Variants in DENND1A observed in about 807,000 individuals in gnomAD.
DENND1A encodes the protein DENN domain containing 1A.
DENND1A carries 51 observed loss-of-function variants against 113.7 expected under a neutral mutation model. That is an observed-to-expected ratio of 0.45 (90% CI 0.36 to 0.57). The LOEUF (loss-of-function observed/expected upper bound fraction) is 0.57. Among genes scored for constraint, DENND1A ranks in the 20% least tolerant of loss-of-function variants. The pLI is 0.00. For synonymous variants in DENND1A, 565 were observed against 570.8 expected (o/e 0.99, Z 0.14); for missense variants, 1,258 against 1,395.9 (o/e 0.90, Z 1.57).
intron 1 of DENND1A, among the ~76,000 whole-genome samples, chr9:123,881,416 A>G (rs1483157547): frequency 6.6e-6 from 1 of 152,246 alleles, no homozygotes; most frequent in Non-Finnish European, 1.5e-5. Context: ...TCTGAAGAGC[A>G]TCAGGAAGAT....
rs375263687 is a variant in DENND1A, at chr9:123,652,033, T to A, written c.598A>T (p.Ile200Phe). Residue 200 changes from isoleucine to phenylalanine, a missense_variant, in exon 9 of 24, where the codon ATT (isoleucine) becomes TTT (phenylalanine). Ile to Phe is a conservative substitution (Grantham distance 21). This residue lies in a region of DENND1A where 1,159 missense variants were observed against 1,231.7 expected (regional missense o/e 0.94). Coordinates refer to ENST00000394215, the MANE Select transcript of DENND1A (RefSeq NM_001352964.2). ...SMLYERRILI[I>F]CSKLSTLTAC... Reference sequence around the variant, plus strand: ...CTCACAGTGCTGAGTTTGCTGCAAATGATGAGTATCCGGCGTTCGTACAGC... The same window carrying A: ...CTCACAGTGCTGAGTTTGCTGCAAAAGATGAGTATCCGGCGTTCGTACAGC... 2.5e-6 allele frequency: 4 copies of A among 1,613,974 alleles called. No individual in the cohort carries two copies. The African/African-American group carries it at 4.0e-5, about 16-fold the overall frequency.
At chr9:123,781,999 G>A (rs1042969850) in intron 3 of DENND1A, among the ~76,000 whole-genome samples, 35 of 152,224 alleles carry the variant, frequency 2.3e-4, no homozygotes, top group African/African-American at 7.5e-4. Flanking sequence ...GAACCTGGGA[G>A]ACAGAGGTTG....
At chr9:123,487,631 T>C (rs2051004305) in intron 13 of DENND1A, among the ~76,000 whole-genome samples, 2 of 152,102 alleles carry the variant, frequency 1.3e-5, no homozygotes, top group South Asian at 4.2e-4. Flanking sequence ...TTTCCTGAGA[T>C]CCCTTTGAAT....
chr9:123,529,700 T>C (rs1021788318), intron 13 of DENND1A, among the ~76,000 whole-genome samples: 3 of 152,240 alleles, frequency 2.0e-5, no homozygotes, highest in Non-Finnish European at 4.4e-5. Flanking sequence ...TCAGGTCTTC[T>C]GGCACATGAC....
At chr9:123,530,029 T>C (rs1193740505) in intron 13 of DENND1A, among the ~76,000 whole-genome samples, 8 of 151,978 alleles carry the variant, frequency 5.3e-5, no homozygotes, top group Non-Finnish European at 1.2e-4. Context: ...CCAGAACAAA[T>C]AACAGAGAGA....
At chr9:123,755,090 G>T (rs927896997) in intron 5 of DENND1A, among the ~76,000 whole-genome samples, 2 of 151,398 alleles carry the variant, frequency 1.3e-5, no homozygotes, top group Non-Finnish European at 2.9e-5. Flanking sequence ...GACAACACAG[G>T]CTTGAGCTGC....
At chr9:123,539,579 T>A (rs2056117868) in intron 13 of DENND1A, among the ~76,000 whole-genome samples, 1 of 152,046 alleles carries the variant, frequency 6.6e-6, no homozygotes, top group East Asian at 1.9e-4. Flanking sequence ...GATTCTAGGG[T>A]GGGCAGGAAA....
intron 19 of DENND1A, among the ~76,000 whole-genome samples, chr9:123,423,959 T>A (rs976354763): frequency 2.0e-5 from 3 of 152,146 alleles, no homozygotes; most frequent in African/African-American, 7.2e-5. Flanking sequence ...TTGGTGGAAA[T>A]GGCCTGGGGG....
chr9:123,738,404 A>G (rs555105715), intron 5 of DENND1A, among the ~76,000 whole-genome samples: 3 of 151,892 alleles, frequency 2.0e-5, no homozygotes, highest in African/African-American at 4.8e-5. Flanking sequence ...ACTTGTCCCT[A>G]GAGCCATAAA....
At chr9:123,627,911 G>A (rs547993229) in intron 10 of DENND1A, among the ~76,000 whole-genome samples, 13 of 152,138 alleles carry the variant, frequency 8.5e-5, no homozygotes, top group African/African-American at 2.7e-4. Context: ...AGTGCTTTTC[G>A]GTCTATAAAG....
chr9:123,390,753 C>A (rs532649512), intron 21 of DENND1A, among the ~76,000 whole-genome samples: 1 of 152,360 alleles, frequency 6.6e-6, no homozygotes, highest in African/African-American at 2.4e-5. Context: ...GGGGCCTCAC[C>A]CTCTCCTGTG....
rs577747362 is a variant in DENND1A, at chr9:123,609,427, C to T, written c.765+9G>A. 2 of 1,613,238 alleles carry T rather than the reference C, an allele frequency of 1.2e-6. No homozygotes were observed. ...TAGAGCCATCTGGGGAGGAAAGAAG[C>T]CAACTTACCTCCATTAAACTTAAAT... is the stretch of plus-strand genomic sequence containing the variant. On this transcript the variant is annotated intron_variant, in intron 11 of 23. Coordinates refer to ENST00000394215, the MANE Select transcript of DENND1A (RefSeq NM_001352964.2).
At chr9:123,452,682 A>G (rs1307085102) in intron 16 of DENND1A, among the ~76,000 whole-genome samples, 1 of 152,076 alleles carries the variant, frequency 6.6e-6, no homozygotes, top group Admixed American at 6.5e-5. Flanking sequence ...CCCTATGGGC[A>G]TCTGTGGCTT....
chr9:123,620,058 CA>C, intron 10 of DENND1A, among the ~76,000 whole-genome samples: 1 of 151,128 alleles, frequency 6.6e-6, no homozygotes, highest in Non-Finnish European at 1.5e-5. Context: ...ACTAAAAATA[CA>C]AAAAATTAGC....
At chr9:123,393,082 T>C (rs1039975762) in intron 21 of DENND1A, among the ~76,000 whole-genome samples, 14 of 152,250 alleles carry the variant, frequency 9.2e-5, no homozygotes, top group African/African-American at 3.1e-4. Flanking sequence ...TTGGGCTGGT[T>C]CCACATCTTT....
chr9:123,541,924 T>C (rs961426757), intron 13 of DENND1A, among the ~76,000 whole-genome samples: 1 of 152,246 alleles, frequency 6.6e-6, no homozygotes, highest in East Asian at 1.9e-4. Context: ...GTAGCTCTCC[T>C]GGAATCTCAA....
At chr9:123,733,671 T>A (rs1290018698) in intron 5 of DENND1A, among the ~76,000 whole-genome samples, 2 of 90,302 alleles carry the variant, frequency 2.2e-5, no homozygotes, top group Admixed American at 9.5e-5. Flanking sequence ...TTGTTGGTTA[T>A]TTTTTTTTTT....
intron 13 of DENND1A, among the ~76,000 whole-genome samples, chr9:123,491,540 T>C (rs1421645046): frequency 6.6e-6 from 1 of 152,176 alleles, no homozygotes; most frequent in African/African-American, 2.4e-5. Context: ...AACGCTCTAG[T>C]ATAATGTTAG....
intron 13 of DENND1A, among the ~76,000 whole-genome samples, chr9:123,476,595 T>C (rs1281433244): frequency 6.6e-6 from 1 of 152,218 alleles, no homozygotes. Context: ...TCCTGGGCCA[T>C]GGGTTAGACC....
Sources: allele counts gnomAD v4.1 joint callset (sites outside exome capture counted in the v4.1 genomes callset), GRCh38; gene constraint gnomAD v4.1.1; regional missense constraint gnomAD v4.1.1; transcripts MANE v1.5; gene names NCBI Gene and HGNC (gene_info 2026-07-23, HGNC 2026-07-21).